Variants in PLLP observed in about 807,000 individuals in gnomAD.
PLLP encodes plasmolipin, also known as plasma membrane proteolipid (plasmolipin).
In PLLP, 15 loss-of-function variants were observed where a neutral mutation model predicts 19.7. The ratio of observed to expected loss-of-function variants is 0.76; its 90% CI spans 0.51 to 1.17. PLLP has a LOEUF of 1.17. PLLP is among the 50% of genes most tolerant of loss of function. The pLI is 0.00. For missense variants in PLLP, 255 were observed against 258.3 expected (o/e 0.99, Z 0.09); for synonymous variants, 111 against 116.3 (o/e 0.95, Z 0.29).
chr16:57,280,353 A>C (rs147746304), intron 1 of PLLP, among the ~76,000 whole-genome samples: 126 of 152,300 alleles, frequency 8.3e-4, no homozygotes, highest in Middle Eastern at 6.8e-3. Context: ...GGGAGGCTTG[A>C]AAAAATGAGA....
At chr16:57,258,436 C>A (rs1249839765) in intron 3 of PLLP, 26 bp downstream of exon 3, 1 of 1,604,354 alleles carries the variant, frequency 6.2e-7, no homozygotes, top group South Asian at 1.1e-5. Flanking sequence ...TGCAGACCAC[C>A]AAGGGAGCCT....
intron 1 of PLLP, among the ~76,000 whole-genome samples, chr16:57,265,872 T>C (rs2075455451): frequency 6.6e-6 from 1 of 151,940 alleles, no homozygotes. Flanking sequence ...ACCAAAAATA[T>C]AACATTTAGC....
chr16:57,280,655 AG>A (rs1728898708), intron 1 of PLLP, among the ~76,000 whole-genome samples: 1 of 152,224 alleles, frequency 6.6e-6, no homozygotes, highest in African/African-American at 2.4e-5. Flanking sequence ...CTAGGCTGCT[AG>A]GAAGTTCAAC....
At chr16:57,273,085 C>T (rs1901096777) in intron 1 of PLLP, among the ~76,000 whole-genome samples, 3 of 151,744 alleles carry the variant, frequency 2.0e-5, no homozygotes, top group African/African-American at 4.8e-5. Flanking sequence ...GGTGAAACCC[C>T]GTCTCTACTA....
At chr16:57,257,797 T>C (rs2075430478) in intron 3 of PLLP, among the ~76,000 whole-genome samples, 1 of 152,200 alleles carries the variant, frequency 6.6e-6, no homozygotes, top group Non-Finnish European at 1.5e-5. Flanking sequence ...CACGTGCACT[T>C]GTCAGTGGGA....
At position 57,284,562 on chromosome 16, in the gene PLLP, A is replaced by C; in HGVS notation, c.-22T>G. The C allele has an allele frequency of 7.5e-7, 1 of 1,333,374 alleles. No homozygotes were observed. The highest frequency in any genetic ancestry group is 9.7e-7 in the Non-Finnish European group (1 of 1,035,116). The allele number at this position is 1,333,374 out of a possible 1,614,324, so 82.6% of individuals were successfully genotyped here. A position where few individuals can be genotyped will look rare whatever the true frequency, so the allele number is the denominator to read the frequency against. On this transcript the variant is annotated 5_prime_UTR_variant, in exon 1 of 4. Coordinates refer to ENST00000219207, the MANE Select transcript of PLLP (RefSeq NM_015993.3). ...CCATGGCGGCTCCGCTTGCCTCCCG[A>C]GGTCGCTACGGCCGCCGTCGCCGCC... is the stretch of plus-strand genomic sequence containing the variant.
chr16:57,268,060 C>T (rs890970257), intron 1 of PLLP, among the ~76,000 whole-genome samples: 4 of 152,046 alleles, frequency 2.6e-5, no homozygotes, highest in East Asian at 1.9e-4. Context: ...GAGGCAGAGA[C>T]GAGAGTGATG....
chr16:57,271,329 G>A (rs2075474593), intron 1 of PLLP, among the ~76,000 whole-genome samples: 1 of 152,010 alleles, frequency 6.6e-6, no homozygotes, highest in South Asian at 2.1e-4. Flanking sequence ...CTTGCTGTGA[G>A]GTCCCCGCTT....
At chr16:57,284,340 T>A (rs1320206974) in intron 1 of PLLP, 66 bp downstream of exon 1, 1 of 1,251,772 alleles carries the variant, frequency 8.0e-7, no homozygotes, top group African/African-American at 1.6e-5. Context: ...AGCGCCGGAG[T>A]CCCTCACCCA....
intron 1 of PLLP, among the ~76,000 whole-genome samples, chr16:57,272,114 C>T (rs1597963438): frequency 6.6e-6 from 1 of 152,234 alleles, no homozygotes; most frequent in South Asian, 2.1e-4. Flanking sequence ...GCTTTACCCC[C>T]AGGGCCTTCC....
intron 1 of PLLP, among the ~76,000 whole-genome samples, chr16:57,279,297 T>C (rs1901189514): frequency 6.6e-6 from 1 of 151,554 alleles, no homozygotes; most frequent in South Asian, 2.1e-4. Context: ...TGTGTTCCCA[T>C]CAGCACTCTC....
At chr16:57,262,124 C>T in intron 1 of PLLP, 54 bp from the exon 2 acceptor site, 3 of 1,567,220 alleles carry the variant, frequency 1.9e-6, no homozygotes, top group East Asian at 4.5e-5. Flanking sequence ...CATTTCTTAT[C>T]TAGCTAAGAA....
intron 1 of PLLP, among the ~76,000 whole-genome samples, chr16:57,277,929 T>A (rs981756118): frequency 1.3e-5 from 2 of 152,082 alleles, no homozygotes; most frequent in African/African-American, 4.8e-5. Flanking sequence ...TCTCTGTAAT[T>A]TTTTTTTCAA....
intron 1 of PLLP, among the ~76,000 whole-genome samples, chr16:57,281,359 C>T (rs1436921501): frequency 6.6e-6 from 1 of 152,186 alleles, no homozygotes; most frequent in African/African-American, 2.4e-5. Flanking sequence ...GAGCCTAGTG[C>T]TGGCCTGATA....
chr16:57,283,837 A>G (rs553015682), intron 1 of PLLP, among the ~76,000 whole-genome samples: 38 of 152,096 alleles, frequency 2.5e-4, no homozygotes, highest in African/African-American at 8.2e-4. Context: ...CCCACAGGGT[A>G]GTGCCTGAGT....
At chr16:57,271,797 G>C (rs1030339358) in intron 1 of PLLP, among the ~76,000 whole-genome samples, 17 of 152,020 alleles carry the variant, frequency 1.1e-4, no homozygotes. Context: ...AGGCGGGTAG[G>C]GGCCTCTTCA....
intron 2 of PLLP, 147 bp from the exon 3 acceptor site, chr16:57,258,731 G>T: frequency 2.7e-6 from 2 of 730,876 alleles, no homozygotes; most frequent in Non-Finnish European, 4.6e-6. Context: ...AGACCAGCCT[G>T]GGGAACATAG....
In PLLP at chr16:57,256,802, C is replaced by T. The variant is rs2075427099; in HGVS notation, c.*111G>A. 1.4e-6 allele frequency: 1 copy of T among 701,030 alleles called. No homozygotes were observed. The allele number at this position is 701,030 out of a possible 1,614,324, so 43.4% of individuals were successfully genotyped here. On this transcript the variant is annotated 3_prime_UTR_variant, in exon 4 of 4. Transcript: ENST00000219207. ...ACGGGCAGAGAGGAGCAAATGCAGT[C>T]CCTGTTGGGCTGACTCCACGCAGGG...
At chr16:57,266,560 G>T (rs1407649094) in intron 1 of PLLP, among the ~76,000 whole-genome samples, 2 of 152,134 alleles carry the variant, frequency 1.3e-5, no homozygotes, top group Non-Finnish European at 2.9e-5. Context: ...CACTGGCAAG[G>T]TGATGATAAG....
Sources: gnomAD v4.1 joint callset for allele counts (sites outside exome capture counted in the v4.1 genomes callset) on GRCh38, gnomAD v4.1.1 for gene constraint, MANE v1.5 for transcripts, NCBI Gene and HGNC (gene_info 2026-07-23, HGNC 2026-07-21) for gene names.